The following SERPINB6 variants were observed in gnomAD, a reference collection of about 807,000 sequenced individuals.
The protein encoded by SERPINB6 is serpin B6.
SERPINB6 carries 16 observed loss-of-function variants against 26.1 expected under a neutral mutation model. That is an observed-to-expected ratio of 0.61 (90% CI 0.42 to 0.93). The LOEUF (loss-of-function observed/expected upper bound fraction) is 0.93. Ranked by LOEUF, SERPINB6 falls within the 40% of genes least tolerant of loss-of-function variation. The pLI is 0.00. For missense variants in SERPINB6, 420 were observed against 478.0 expected, an observed-to-expected ratio of 0.88 and a Z score of 1.13; for synonymous variants, 174 against 176.6, an observed-to-expected ratio of 0.99 and a Z score of 0.11.
rs1281588232 is a variant in SERPINB6 at position 2,953,173 on chromosome 6, C to A, written c.444G>T (p.Glu148Asp). 2 of 1,614,224 alleles carry A rather than the reference C, an allele frequency of 1.2e-6. No homozygotes were observed. ...GATCCACTGAGCCCGGAGAGAGCAA[C>A]TCCGCAATTTTACCTGAGCGGAAGA... ...VAEKTEGKIA[E>D]LLSPGSVDPL... Residue 148 changes from glutamate (E) to aspartate (D), a missense_variant, in exon 5 of 7, where the codon GAG becomes GAT. Coordinates refer to ENST00000380539, the MANE Select transcript of SERPINB6 (RefSeq NM_004568.6).
At chr6:2,964,857 G>T (rs927891112) in intron 1 of SERPINB6, among the ~76,000 whole-genome samples, 1 of 152,104 alleles carries the variant, frequency 6.6e-6, no homozygotes. Flanking sequence ...TTTTATTAGG[G>T]TAGGGGTCTC....
chr6:2,954,818 AC>A, intron 3 of SERPINB6, 109 bp from the exon 4 acceptor site: 1 of 767,856 alleles, frequency 1.3e-6, no homozygotes, highest in Non-Finnish European at 2.3e-6. Flanking sequence ...TGATTGACAT[AC>A]ATAATTTACA....
chr6:2,952,192 T>C (rs1359706686), intron 5 of SERPINB6, among the ~76,000 whole-genome samples: 1 of 152,346 alleles, frequency 6.6e-6, no homozygotes, highest in African/African-American at 2.4e-5. Flanking sequence ...AATAGCACAG[T>C]TCATTTCAGA....
intron 4 of SERPINB6, among the ~76,000 whole-genome samples, chr6:2,953,772 T>C (rs1770093868): frequency 6.6e-6 from 1 of 152,222 alleles, no homozygotes; most frequent in Admixed American, 6.5e-5. Flanking sequence ...GAATTGATGC[T>C]GTAATCCCAG....
At chr6:2,971,042 C>G in intron 1 of SERPINB6, 1 of 1,193,058 alleles carries the variant, frequency 8.4e-7, no homozygotes, top group East Asian at 3.5e-5. Flanking sequence ...CCCGGCGCCC[C>G]AAGACTGAGC....
intron 1 of SERPINB6, chr6:2,970,670 G>A: frequency 8.5e-7 from 1 of 1,170,714 alleles, no homozygotes; most frequent in Non-Finnish European, 1.0e-6. Flanking sequence ...GACAGCATGT[G>A]AACATTAATT....
chr6:2,953,042 G>C lies in SERPINB6; in HGVS notation c.573+2C>G. The C allele has an allele frequency of 6.2e-7, 1 of 1,614,152 alleles. No individual in the cohort carries two copies. On this transcript the variant is annotated splice_donor_variant, in intron 5 of 6. Transcript: ENST00000380539. LOFTEE classifies it high-confidence loss of function. ...CTGCTCCTGTCACGGCCCCTTACTC[G>C]CCTTGCTGACTTTAAACAGTCTCTC...
Position 2,970,637 on chromosome 6 carries a change from C to T in SERPINB6, c.-11+896G>A, listed in dbSNP as rs192526894. The T allele has an allele frequency of 2.6e-5, 32 of 1,223,940 alleles. No homozygotes were observed. The East Asian group carries it at 1.0e-3, about 39-fold the overall frequency. The allele number at this position is 1,223,940 out of a possible 1,614,324, so 75.8% of individuals were successfully genotyped here. The stretch of plus-strand genomic sequence containing the variant: ...AGTGCCCAAAAAATGGACTCAGATG[C>T]CCCCTCGCATCTGAGTATTCCTGAC... On this transcript the variant is annotated intron_variant, in intron 1 of 6. Transcript: ENST00000380539.
Position 2,948,172 on chromosome 6 carries a change from C to T in SERPINB6, c.*126G>A. 9.4e-7 allele frequency: 1 copy of T among 1,063,328 alleles called. No individual in the cohort carries two copies. Among genetic ancestry groups the T allele is most frequent in the Non-Finnish European group, 1.4e-6 (1 of 690,488 alleles). 65.9% of individuals were successfully genotyped at this position (1,063,328 alleles called of 1,614,324 possible). ...AAACACACGGAGTGAATGCGGCATC[C>T]CACAAATGGGCCCTTTATTTCTGAA... On this transcript the variant is annotated 3_prime_UTR_variant, in exon 7 of 7. Transcript: ENST00000380539. This position sits in a 1 kb window ranked among gnomAD's most constrained non-coding sequence, Gnocchi z 5.0.
rs1388472795 is a variant in SERPINB6, at chr6:2,948,910, T to C, written c.729+4A>G. 6 of 1,614,218 alleles carry C rather than the reference T, an allele frequency of 3.7e-6. No individual in the cohort carries two copies. The highest frequency in any genetic ancestry group is 5.1e-6 in the Non-Finnish European group (6 of 1,180,036). On this transcript the variant is annotated splice_donor_region_variant and intron_variant, in intron 6 of 6. Transcript: ENST00000380539. This position sits in a 1 kb window ranked among gnomAD's most constrained non-coding sequence, Gnocchi z 5.0. Reference sequence around the variant, plus strand: ...GCACGCCTCGCTCACAGCTTAGCTGTTACCGTTCTCAAGTCAGTGGTCTCG... The same window carrying C: ...GCACGCCTCGCTCACAGCTTAGCTGCTACCGTTCTCAAGTCAGTGGTCTCG...
chr6:2,950,889 C>T (rs546334375), intron 5 of SERPINB6, among the ~76,000 whole-genome samples: 113 of 152,366 alleles, frequency 7.4e-4, no homozygotes, highest in African/African-American at 2.5e-3. Context: ...TCTGCTTTCA[C>T]GTGGTAGAGG....
At position 2,970,824 on chromosome 6, in the gene SERPINB6, C is replaced by T. The variant is rs928150961; in HGVS notation, c.-11+709G>A. On this transcript the variant is annotated intron_variant, in intron 1 of 6. Coordinates refer to ENST00000380539, the MANE Select transcript of SERPINB6 (RefSeq NM_004568.6). The stretch of plus-strand genomic sequence containing the variant: ...AGACATCAAAGCCTGTAATAGTTTG[C>T]CTGTAGGGAGTTTAATTCAAACACA... The T allele has an allele frequency of 1.8e-5, 22 of 1,230,348 alleles. No individual in the cohort carries two copies. In the African/African-American group the frequency reaches 3.3e-4, roughly 18 times the overall value. 76.2% of individuals were successfully genotyped at this position (1,230,348 alleles called of 1,614,324 possible). A position where few individuals can be genotyped will look rare whatever the true frequency, so the allele number is the denominator to read the frequency against.
At chr6:2,956,339 A>G (rs1428608804) in intron 2 of SERPINB6, 2 of 153,454 alleles carry the variant, frequency 1.3e-5, no homozygotes, top group Non-Finnish European at 2.9e-5. Context: ...CTAATGATAC[A>G]GTAGGTAGAA....
chr6:2,968,953 G>A, intron 1 of SERPINB6: 1 of 1,222,108 alleles, frequency 8.2e-7, no homozygotes, highest in Non-Finnish European at 1.0e-6. Context: ...GGGTCGGGGG[G>A]CTTCTACTGG....
At chr6:2,964,894 T>C (rs1771465488) in intron 1 of SERPINB6, among the ~76,000 whole-genome samples, 1 of 152,232 alleles carries the variant, frequency 6.6e-6, no homozygotes, top group African/African-American at 2.4e-5. Context: ...TGGAATGCAG[T>C]TGCATGATCA....
chr6:2,961,781 G>C (rs1771138239), intron 1 of SERPINB6: 1 of 976,246 alleles, frequency 1.0e-6, no homozygotes, highest in Non-Finnish European at 1.2e-6. Context: ...AAAGACAGAG[G>C]TTAAGTACCA....
intron 4 of SERPINB6, among the ~76,000 whole-genome samples, chr6:2,954,385 C>G (rs1040858): frequency 6.6e-6 from 1 of 152,134 alleles, no homozygotes; most frequent in Non-Finnish European, 1.5e-5. Context: ...ACCAAGGAAA[C>G]AGGGAGAAAT....
chr6:2,955,203 C>CAAA (rs66527971), intron 3 of SERPINB6: 1,687 of 225,006 alleles, frequency 7.5e-3, no homozygotes, highest in East Asian at 0.019. Context: ...AAAAAAAAAA[C>CAAA]AAAAAAAAAA....
intron 2 of SERPINB6, chr6:2,956,150 G>C (rs1293901368): frequency 6.0e-6 from 1 of 165,988 alleles, no homozygotes; most frequent in Non-Finnish European, 1.3e-5. Flanking sequence ...GTCTGTGCTG[G>C]CATGAGCTGC....
Sources: allele counts gnomAD v4.1 joint callset (sites outside exome capture counted in the v4.1 genomes callset), GRCh38; gene constraint gnomAD v4.1.1; non-coding constraint Gnocchi (gnomAD v3.1); transcripts MANE v1.5; gene names NCBI Gene and HGNC (gene_info 2026-07-23, HGNC 2026-07-21).